Variants in NCKAP5 observed in about 807,000 individuals in gnomAD.
NCKAP5 encodes the protein NCK associated protein 5, also known as nck-associated protein 5.
Under a neutral mutation model 167.0 loss-of-function variants are expected in NCKAP5, and 92 were observed. The ratio of observed to expected loss-of-function variants is 0.55; its 90% CI spans 0.47 to 0.66. NCKAP5 has a LOEUF of 0.66. Among genes scored for constraint, NCKAP5 ranks in the 30% least tolerant of loss-of-function variants. The probability of loss-of-function intolerance (pLI) is 0.00; values close to 1 mark genes in which losing one functional copy is unlikely to be tolerated. For synonymous variants in NCKAP5, 891 were observed against 877.4 expected, an observed-to-expected ratio of 1.02 and a Z score of -0.27; for missense variants, 2,378 against 2,315.0, an observed-to-expected ratio of 1.03 and a Z score of -0.56.
At chr2:132,928,497 C>A (rs1474592449) in intron 8 of NCKAP5, among the ~76,000 whole-genome samples, 2 of 152,094 alleles carry the variant, frequency 1.3e-5, no homozygotes, top group East Asian at 3.9e-4. Flanking sequence ...AGCTATGACA[C>A]ATATACCTAT....
In NCKAP5 at chr2:133,517,570, C is replaced by A. The variant is rs763002749; in HGVS notation, c.-44G>T. The A allele has an allele frequency of 5.3e-6, 7 of 1,326,376 alleles. No homozygotes were observed. The highest frequency in any genetic ancestry group is 1.5e-5 in the African/African-American group (1 of 67,692). 82.2% of individuals were successfully genotyped at this position (1,326,376 alleles called of 1,614,324 possible). A position where few individuals can be genotyped will look rare whatever the true frequency, so the allele number is the denominator to read the frequency against. On this transcript the variant is annotated 5_prime_UTR_variant, in exon 3 of 20. Transcript: ENST00000409261. ...TCTTTTGTGACTTATAAGAATCCCC[C>A]GTCTGTTTCCAGGGTCACTGAAAAG...
intron 5 of NCKAP5, among the ~76,000 whole-genome samples, chr2:133,184,036 C>T (rs1048131443): frequency 6.6e-6 from 1 of 151,906 alleles, no homozygotes; most frequent in Non-Finnish European, 1.5e-5. Flanking sequence ...TTGTGTGATG[C>T]TGAATTTTCA....
In NCKAP5 at chr2:133,290,245, A is replaced by G. The variant is rs187820060; in HGVS notation, c.143+12792T>C. Among the ~76,000 whole-genome samples, 434 of 152,306 alleles carry G rather than the reference A, an allele frequency of 2.8e-3. 2 individuals carry two copies. The highest frequency in any genetic ancestry group is 4.6e-3 in the Non-Finnish European group (313 of 68,028). On this transcript the variant is annotated intron_variant, in intron 4 of 19. Transcript: ENST00000409261. ...TTGTTCTCTAATTTGCTTTATCCAA[A>G]TGGAAAAAAAAACACACAATATTTT... is the stretch of plus-strand genomic sequence containing the variant.
intron 19 of NCKAP5, among the ~76,000 whole-genome samples, chr2:132,694,801 T>C (rs373240288): frequency 9.8e-5 from 15 of 152,338 alleles, no homozygotes; most frequent in African/African-American, 3.6e-4. Context: ...GTCTCTGTTG[T>C]GTCACAAAAG....
At chr2:133,284,345 A>G (rs2150481817) in intron 4 of NCKAP5, among the ~76,000 whole-genome samples, 2 of 152,204 alleles carry the variant, frequency 1.3e-5, no homozygotes, top group East Asian at 3.9e-4. Flanking sequence ...CAGGAGGTAG[A>G]AGAAGTTGGA....
intron 19 of NCKAP5, among the ~76,000 whole-genome samples, chr2:132,698,535 G>A (rs1430274247): frequency 1.3e-5 from 2 of 152,092 alleles, no homozygotes; most frequent in East Asian, 1.9e-4. Context: ...CTGGGAACTT[G>A]TTAGAAATGC....
intron 3 of NCKAP5, among the ~76,000 whole-genome samples, chr2:133,461,868 T>A (rs1246750382): frequency 6.6e-6 from 1 of 151,814 alleles, no homozygotes; most frequent in African/African-American, 2.4e-5. Flanking sequence ...TCATAGGATA[T>A]GCCTAATATT....
chr2:133,127,589 C>T (rs1453101902), intron 6 of NCKAP5, among the ~76,000 whole-genome samples: 1 of 152,074 alleles, frequency 6.6e-6, no homozygotes, highest in Non-Finnish European at 1.5e-5. Flanking sequence ...AGCAGAAGAC[C>T]CAGCATCATA....
At chr2:133,066,470 A>T (rs935918852) in intron 6 of NCKAP5, among the ~76,000 whole-genome samples, 2 of 152,200 alleles carry the variant, frequency 1.3e-5, no homozygotes, top group African/African-American at 4.8e-5. Context: ...TAACAGCCCA[A>T]GTAGAGAAAT....
intron 4 of NCKAP5, among the ~76,000 whole-genome samples, chr2:133,281,388 C>G (rs1209549317): frequency 6.6e-6 from 1 of 152,066 alleles, no homozygotes; most frequent in African/African-American, 2.4e-5. Flanking sequence ...ACTAGGACTA[C>G]AACAGTTGCC....
chr2:133,637,832 T>A, the NCKAP5 span, among the ~76,000 whole-genome samples: 1 of 152,100 alleles, frequency 6.6e-6, no homozygotes, highest in East Asian at 1.9e-4. Flanking sequence ...CCAAAAAATG[T>A]CCTTGATGAA....
chr2:133,283,620 T>A (rs1469056098), intron 4 of NCKAP5, among the ~76,000 whole-genome samples: 1 of 151,912 alleles, frequency 6.6e-6, no homozygotes, highest in Admixed American at 6.6e-5. Flanking sequence ...GGATTTTTTT[T>A]TTTTTTTTGA....
the NCKAP5 span, among the ~76,000 whole-genome samples, chr2:133,599,763 T>A: frequency 1.3e-5 from 2 of 152,128 alleles, no homozygotes; most frequent in Non-Finnish European, 2.9e-5. Flanking sequence ...CTGGGTGAGA[T>A]GCCGGGAGAG....
intron 11 of NCKAP5, among the ~76,000 whole-genome samples, chr2:132,799,820 C>T (rs981144799): frequency 6.6e-6 from 1 of 151,784 alleles, no homozygotes; most frequent in Non-Finnish European, 1.5e-5. Context: ...TATGGGGGTG[C>T]ATGTGATGTT....
chr2:133,064,005 T>C (rs935252325), intron 6 of NCKAP5, among the ~76,000 whole-genome samples: 1 of 152,168 alleles, frequency 6.6e-6, no homozygotes, highest in Non-Finnish European at 1.5e-5. Flanking sequence ...CATCGTTTCT[T>C]AGCAGTTGTT....
intron 5 of NCKAP5, among the ~76,000 whole-genome samples, chr2:133,150,726 A>G (rs941041173): frequency 1.3e-5 from 2 of 152,204 alleles, no homozygotes; most frequent in African/African-American, 4.8e-5. Flanking sequence ...CATCACCTGT[A>G]ACACAGCAGT....
the NCKAP5 span, among the ~76,000 whole-genome samples, chr2:133,660,544 C>A: frequency 1.3e-4 from 20 of 151,982 alleles, 1 homozygote; most frequent in Non-Finnish European, 8.8e-5. Context: ...TCAAAATTTT[C>A]AACAGAGAAT....
chr2:133,447,514 C>T (rs1691276941), intron 3 of NCKAP5, among the ~76,000 whole-genome samples: 2 of 143,680 alleles, frequency 1.4e-5, no homozygotes, highest in South Asian at 5.0e-4. Context: ...CTTTCCCCTT[C>T]CTTTCCCTTC....
intron 19 of NCKAP5, among the ~76,000 whole-genome samples, chr2:132,713,698 A>T (rs1018472856): frequency 1.7e-4 from 21 of 121,978 alleles, no homozygotes; most frequent in Non-Finnish European, 3.4e-4. Context: ...ACATCATAAG[A>T]CAGAAAGGGC....
Sources: gnomAD v4.1 joint callset for allele counts (sites outside exome capture counted in the v4.1 genomes callset) on GRCh38, gnomAD v4.1.1 for gene constraint, MANE v1.5 for transcripts, NCBI Gene and HGNC (gene_info 2026-07-23, HGNC 2026-07-21) for gene names.